Variants in DST observed in about 807,000 individuals in gnomAD.
DST encodes dystonin.
DST carries 253 observed loss-of-function variants against 875.2 expected under a neutral mutation model. The ratio of observed to expected loss-of-function variants is 0.29; its 90% CI spans 0.26 to 0.32. DST has a LOEUF of 0.32. DST is among the 10% of genes least tolerant of loss of function. The pLI, the probability that DST is intolerant of heterozygous loss-of-function variation, is 1.00. For synonymous variants in DST, 3,124 were observed against 3,197.1 expected (o/e 0.98, Z 0.77); for missense variants, 8,287 against 9,111.6 (o/e 0.91, Z 3.68).
chr6:56,628,412 A>C (rs1027601659), intron 32 of DST, among the ~76,000 whole-genome samples: 3 of 152,226 alleles, frequency 2.0e-5, no homozygotes, highest in Admixed American at 6.5e-5. Flanking sequence ...GACAAGCCCA[A>C]GAAGCTAAAC....
intron 49 of DST, among the ~76,000 whole-genome samples, chr6:56,584,341 T>G (rs9396222): frequency 0.28 from 43,167 of 151,930 alleles, 7,495 homozygotes; most frequent in Admixed American, 0.38. Flanking sequence ...AAGTATTTTA[T>G]TCTCTTGGAA....
chr6:56,728,840 T>A (rs1344367791), intron 5 of DST, among the ~76,000 whole-genome samples: 1 of 151,994 alleles, frequency 6.6e-6, no homozygotes, highest in Non-Finnish European at 1.5e-5. Flanking sequence ...TATACCAATA[T>A]AAATTTATGA....
At chr6:56,682,935 T>C (rs998150536) in intron 9 of DST, among the ~76,000 whole-genome samples, 1 of 152,198 alleles carries the variant, frequency 6.6e-6, no homozygotes, top group African/African-American at 2.4e-5. Flanking sequence ...GATAAAAGGA[T>C]GAGTTAACCC....
intron 3 of DST, among the ~76,000 whole-genome samples, chr6:56,859,207 C>T (rs1369633240): frequency 2.0e-5 from 3 of 152,154 alleles, no homozygotes; most frequent in African/African-American, 4.8e-5. Flanking sequence ...TGAGCACTCT[C>T]CTATTCCAAG....
At chr6:56,812,982 C>G (rs2099762253) in intron 4 of DST, among the ~76,000 whole-genome samples, 2 of 151,894 alleles carry the variant, frequency 1.3e-5, no homozygotes, top group Admixed American at 1.3e-4. Context: ...TTGGAACCAA[C>G]CCAAATGTCC....
chr6:56,845,649 G>A (rs867068172), intron 4 of DST, among the ~76,000 whole-genome samples: 1 of 152,228 alleles, frequency 6.6e-6, no homozygotes, highest in Non-Finnish European at 1.5e-5. Context: ...TTAAGTCCCT[G>A]AAAGTCATTC....
At chr6:56,494,201 G>T (rs2095839563) in intron 82 of DST, 21 bp from the exon 83 acceptor site, 3 of 1,575,354 alleles carry the variant, frequency 1.9e-6, no homozygotes, top group Admixed American at 1.8e-5. Flanking sequence ...ATACCCTCAA[G>T]TTATATCACT....
intron 3 of DST, among the ~76,000 whole-genome samples, chr6:56,869,406 G>A (rs1304928699): frequency 1.3e-5 from 2 of 152,122 alleles, no homozygotes; most frequent in African/African-American, 4.8e-5. Flanking sequence ...TGACAAACAG[G>A]AGACAGAAGA....
At position 56,572,848 on chromosome 6, in the gene DST, G is replaced by C; in HGVS notation, c.13453C>G (p.Leu4485Val). The C allele has an allele frequency of 6.2e-7, 1 of 1,612,844 alleles. No homozygotes were observed. Among genetic ancestry groups the C allele is most frequent in the Non-Finnish European group, 8.5e-7 (1 of 1,179,558 alleles). ...AAAAATGTCTGGAGCTTTTCTGAGA[G>C]GTTCTCAAACAGTTCTACTTTGGTT... ...LKTKVELFEN[L>V]SEKLQTFLET... The change falls in exon 52 of 104, where the codon CTC becomes GTC. Residue 4485 changes from leucine to valine, a missense_variant. Physicochemically the swap from Leu to Val is conservative, Grantham distance 32 (BLOSUM62 1). This residue lies in a region of DST where 1,513 missense variants were observed against 1,677.8 expected (regional missense o/e 0.90). Transcript: ENST00000680361.
Position 56,555,725 on chromosome 6 carries a change from T to C in DST, c.14756A>G (p.Glu4919Gly), listed in dbSNP as rs751404472. The change falls in exon 60 of 104, where the codon GAG (glutamate) becomes GGG (glycine). Residue 4919 changes from glutamate to glycine, a missense_variant. By Grantham distance (98) the Glu-to-Gly change is moderately conservative. Transcript: ENST00000680361. ...EDPSLRGIVK[E>G]QLAAVTQKWD... ...TTTTTGGGTCACAGCTGCCAGTTGCTCTTTCACAATCCCACGTAAAGAAGG... is the reference window on the plus strand; with the variant it reads ...TTTTTGGGTCACAGCTGCCAGTTGCCCTTTCACAATCCCACGTAAAGAAGG... 2.5e-6 allele frequency: 4 copies of C among 1,609,278 alleles called. No homozygotes were observed. The South Asian group carries it at 4.4e-5, about 18-fold the overall frequency.
At chr6:56,835,565 G>A (rs1284422814) in intron 4 of DST, among the ~76,000 whole-genome samples, 1 of 152,196 alleles carries the variant, frequency 6.6e-6, no homozygotes, top group African/African-American at 2.4e-5. Flanking sequence ...AAGAGCCACA[G>A]TACTTGAGTT....
intron 95 of DST, among the ~76,000 whole-genome samples, chr6:56,470,731 A>G (rs2094843047): frequency 7.1e-6 from 1 of 139,896 alleles, no homozygotes; most frequent in Admixed American, 7.5e-5. Flanking sequence ...GTGAATTAGA[A>G]TGAAAAAGGG....
chr6:56,622,993 T>C (rs190844444), intron 36 of DST, among the ~76,000 whole-genome samples: 78 of 152,340 alleles, frequency 5.1e-4, no homozygotes, highest in African/African-American at 1.7e-3. Flanking sequence ...CTTTTGAGTC[T>C]AAAAATTAAG....
chr6:56,460,589 T>A (rs1053999504), intron 102 of DST: 1 of 179,076 alleles, frequency 5.6e-6, no homozygotes, highest in African/African-American at 2.4e-5. Context: ...TGTCAGTGAA[T>A]ATTCCAGAGT....
intron 3 of DST, among the ~76,000 whole-genome samples, chr6:56,865,181 C>T (rs759868566): frequency 2.6e-5 from 4 of 152,066 alleles, no homozygotes; most frequent in Admixed American, 6.5e-5. Context: ...CAGCCTAGCC[C>T]AATTCAGAAC....
Position 56,482,118 on chromosome 6 carries a change from T to A in DST, c.21463A>T (p.Thr7155Ser), listed in dbSNP as rs768162136. Residue 7155 changes from threonine (T) to serine (S), a missense_variant, in exon 90 of 104, where the codon ACC becomes TCC. Thr to Ser is a moderately conservative substitution (Grantham distance 58). This residue lies in a region of DST where 1,292 missense variants were observed against 1,552.7 expected (regional missense o/e 0.83). Transcript: ENST00000680361. The part of the protein sequence containing the change: ...LLEWLAEAEQ[T>S]LRFHGVLPDD... The stretch of plus-strand genomic sequence containing the variant: ...GGGAGGACACCATGGAAACGCAGGG[T>A]TTGCTCCGCCTCAGCCAGCCACTCC... 5 of 1,613,360 alleles carry A rather than the reference T, an allele frequency of 3.1e-6. No individual in the cohort carries two copies. Among genetic ancestry groups the A allele is most frequent in the Non-Finnish European group, 4.2e-6 (5 of 1,179,770 alleles).
At chr6:56,916,770 T>A (rs1167975757) in intron 2 of DST, among the ~76,000 whole-genome samples, 11 of 103,274 alleles carry the variant, frequency 1.1e-4, no homozygotes, top group African/African-American at 4.3e-4. Flanking sequence ...TCTCTCTCTC[T>A]CTCTCTCTCA....
intron 36 of DST, chr6:56,618,957 C>T (rs1360211022): frequency 6.2e-7 from 1 of 1,613,266 alleles, no homozygotes; most frequent in African/African-American, 1.3e-5. Flanking sequence ...CGCTTCTCTT[C>T]TTTGGAAGCA....
At chr6:56,950,429 C>A (rs192399885) in intron 2 of DST, among the ~76,000 whole-genome samples, 94 of 152,270 alleles carry the variant, frequency 6.2e-4, no homozygotes, top group Admixed American at 9.8e-4. Context: ...TTACCCATAT[C>A]ACTTTCTGAA....
Sources: gnomAD v4.1 joint callset for allele counts (sites outside exome capture counted in the v4.1 genomes callset) on GRCh38, gnomAD v4.1.1 for gene constraint, gnomAD v4.1.1 regional missense constraint, MANE v1.5 for transcripts, NCBI Gene and HGNC (gene_info 2026-07-23, HGNC 2026-07-21) for gene names.